Variants in PHLPP1 observed in about 807,000 individuals in gnomAD.
The protein encoded by PHLPP1 is PH domain leucine-rich repeat-containing protein phosphatase 1.
In PHLPP1, 42 loss-of-function variants were observed where a neutral mutation model predicts 117.2. That is an observed-to-expected ratio of 0.36 (90% CI 0.28 to 0.46). PHLPP1 has a LOEUF of 0.46. PHLPP1 is among the 20% of genes least tolerant of loss of function. The pLI, the probability that PHLPP1 is intolerant of heterozygous loss-of-function variation, is 1.00. For synonymous variants in PHLPP1, 1,042 were observed against 970.7 expected (o/e 1.07, Z -1.37); for missense variants, 2,084 against 2,241.9 (o/e 0.93, Z 1.42).
chr18:62,913,220 A>C (rs1183183499), intron 8 of PHLPP1, among the ~76,000 whole-genome samples: 1 of 152,098 alleles, frequency 6.6e-6, no homozygotes, highest in Non-Finnish European at 1.5e-5. Context: ...CAGAAGTTTT[A>C]ATTTTTGTAT....
chr18:62,783,447 G>A (rs905426046), intron 1 of PHLPP1, among the ~76,000 whole-genome samples: 3 of 151,886 alleles, frequency 2.0e-5, no homozygotes, highest in Admixed American at 2.0e-4. Flanking sequence ...CCAGGATGGT[G>A]CCGATCTCCT....
intron 1 of PHLPP1, among the ~76,000 whole-genome samples, chr18:62,809,563 G>A (rs185575545): frequency 2.0e-5 from 3 of 152,098 alleles, no homozygotes; most frequent in South Asian, 2.1e-4. Flanking sequence ...TTAGCTGGGC[G>A]TGGTGGTGGG....
chr18:62,831,839 A>G (rs1914765920), intron 2 of PHLPP1, among the ~76,000 whole-genome samples: 1 of 152,214 alleles, frequency 6.6e-6, no homozygotes, highest in Admixed American at 6.5e-5. Flanking sequence ...AAGAAGGCTA[A>G]TACTTGATCA....
intron 11 of PHLPP1, among the ~76,000 whole-genome samples, chr18:62,943,133 C>A (rs1910177925): frequency 6.6e-6 from 1 of 152,016 alleles, no homozygotes; most frequent in Admixed American, 6.6e-5. Context: ...GAGGATATAC[C>A]CCCAGTGACC....
At chr18:62,723,432 T>G (rs913519245) in intron 1 of PHLPP1, among the ~76,000 whole-genome samples, 2 of 152,188 alleles carry the variant, frequency 1.3e-5, no homozygotes, top group African/African-American at 4.8e-5. Flanking sequence ...GAAAGTGAAG[T>G]TAGAGAGAAT....
intron 1 of PHLPP1, among the ~76,000 whole-genome samples, chr18:62,806,422 AAAGGCAT>A (rs1315536277): frequency 6.6e-6 from 1 of 152,176 alleles, no homozygotes; most frequent in Non-Finnish European, 1.5e-5. Context: ...ATTTTTCTTC[AAAGGCAT>A]AAGGCATAAA....
At chr18:62,932,322 A>G (rs1909840636) in intron 10 of PHLPP1, among the ~76,000 whole-genome samples, 1 of 152,170 alleles carries the variant, frequency 6.6e-6, no homozygotes, top group Admixed American at 6.5e-5. Flanking sequence ...ACAAAAAGGA[A>G]AATAACAAGC....
At position 62,958,712 on chromosome 18, in the gene PHLPP1, T is replaced by C. The variant is rs1206622380; in HGVS notation, c.3408T>C (p.Thr1136=). 2 of 1,614,042 alleles carry C rather than the reference T, an allele frequency of 1.2e-6. No homozygotes were observed. The highest frequency in any genetic ancestry group is 1.7e-6 in the Non-Finnish European group (2 of 1,179,888). ...CCAAACTGCAGGAGCTAGACCTGAC[T>C]GGAAACCCGCGCCTTGTCCTTGATC... ...LPPKLQELDL[T]GNPRLVLDHK... Residue 1136 remains threonine (T), a synonymous_variant, in exon 13 of 17, where the codon ACT becomes ACC. Transcript: ENST00000262719.
chr18:62,871,196 T>G (rs1274277594), intron 4 of PHLPP1, among the ~76,000 whole-genome samples: 1 of 152,180 alleles, frequency 6.6e-6, no homozygotes, highest in Non-Finnish European at 1.5e-5. Context: ...ATATATTTTT[T>G]CCCCCATGTC....
At chr18:62,806,624 A>G (rs1029746781) in intron 1 of PHLPP1, among the ~76,000 whole-genome samples, 2 of 152,192 alleles carry the variant, frequency 1.3e-5, no homozygotes, top group Non-Finnish European at 2.9e-5. Flanking sequence ...AAAAGACAGT[A>G]AGAATTTTGT....
intron 4 of PHLPP1, among the ~76,000 whole-genome samples, chr18:62,863,854 T>C (rs1349372122): frequency 6.6e-6 from 1 of 152,138 alleles, no homozygotes; most frequent in Non-Finnish European, 1.5e-5. Flanking sequence ...TATTTCATCC[T>C]GTGAGTAAGA....
At chr18:62,927,405 G>A (rs1909666752) in intron 10 of PHLPP1, among the ~76,000 whole-genome samples, 2 of 152,130 alleles carry the variant, frequency 1.3e-5, no homozygotes, top group South Asian at 4.1e-4. Context: ...AAAATCTATT[G>A]TGAAGCCTAA....
At chr18:62,944,207 A>G (rs1910212082) in intron 11 of PHLPP1, among the ~76,000 whole-genome samples, 1 of 152,226 alleles carries the variant, frequency 6.6e-6, no homozygotes, top group South Asian at 2.1e-4. Flanking sequence ...CTTGGAGTCT[A>G]ACATCAGCAG....
intron 4 of PHLPP1, among the ~76,000 whole-genome samples, chr18:62,875,018 G>T (rs754364080): frequency 1.3e-5 from 2 of 152,312 alleles, no homozygotes; most frequent in Non-Finnish European, 2.9e-5. Context: ...ACAGTGGCGC[G>T]ATCTTGGCTC....
intron 2 of PHLPP1, chr18:62,832,401 A>G (rs1242126634): frequency 6.6e-6 from 1 of 152,238 alleles, no homozygotes; most frequent in Non-Finnish European, 1.5e-5. Context: ...TTGACATGTG[A>G]AGGAGATGGT....
intron 3 of PHLPP1, among the ~76,000 whole-genome samples, chr18:62,850,746 C>T (rs756746713): frequency 2.4e-4 from 36 of 152,078 alleles, no homozygotes; most frequent in Non-Finnish European, 4.3e-4. Context: ...ACTGGTGGCT[C>T]ATGATTTTGG....
At chr18:62,858,353 C>T (rs897933417) in intron 3 of PHLPP1, among the ~76,000 whole-genome samples, 8 of 151,510 alleles carry the variant, frequency 5.3e-5, no homozygotes, top group African/African-American at 1.7e-4. Flanking sequence ...ACCTCTGCCT[C>T]GTGGGTTCAA....
Position 62,961,255 on chromosome 18 carries a change from T to C in PHLPP1, c.3456-2113T>C, listed in dbSNP as rs557131254. On this transcript the variant is annotated intron_variant, in intron 13 of 16. Coordinates refer to ENST00000262719, the MANE Select transcript of PHLPP1 (RefSeq NM_194449.4). ...GGTTGCAGTGAGCCGTGTTACGCTA[T>C]TGTACTCCAGCCTGGGCAGCAAGAG... Among the ~76,000 whole-genome samples, 11 of 152,234 alleles carry C rather than the reference T, an allele frequency of 7.2e-5. No homozygotes were observed. The South Asian group carries it at 2.3e-3, about 32-fold the overall frequency.
rs571784383 is a variant in PHLPP1 at position 62,723,911 on chromosome 18, G to A, written c.1576+6652G>A. On this transcript the variant is annotated intron_variant, in intron 1 of 16. Coordinates refer to ENST00000262719, the MANE Select transcript of PHLPP1 (RefSeq NM_194449.4). ...GCGAGTCCAAGATCTCTTCCAACTC[G>A]TAACATTCTGAGGCTTCATTAGAGA... Among the ~76,000 whole-genome samples, 7 of 152,250 alleles carry A rather than the reference G, an allele frequency of 4.6e-5. No homozygotes were observed. The South Asian group carries it at 8.3e-4, about 18-fold the overall frequency.
Sources: gnomAD v4.1 joint callset for allele counts (sites outside exome capture counted in the v4.1 genomes callset) on GRCh38, gnomAD v4.1.1 for gene constraint, MANE v1.5 for transcripts, NCBI Gene and HGNC (gene_info 2026-07-23, HGNC 2026-07-21) for gene names.